The following GATM variants were observed in gnomAD, a reference collection of about 807,000 sequenced individuals.
The protein encoded by GATM is glycine amidinotransferase, mitochondrial.
Under a neutral mutation model 54.2 loss-of-function variants are expected in GATM, and 23 were observed. The observed-to-expected ratio is 0.42, with a 90% CI of 0.31 to 0.60. The LOEUF (loss-of-function observed/expected upper bound fraction) is 0.60, where lower values mean the gene tolerates loss of function less well. Ranked by LOEUF, GATM falls within the 20% of genes least tolerant of loss-of-function variation. GATM has a pLI of 0.14. For missense variants in GATM, 401 were observed against 544.9 expected, an observed-to-expected ratio of 0.74 and a Z score of 2.63; for synonymous variants, 168 against 183.1, an observed-to-expected ratio of 0.92 and a Z score of 0.67.
At chr15:45,364,108 G>T (rs1889409109) in intron 7 of GATM, 92 bp from the exon 8 acceptor site, 1 of 784,638 alleles carries the variant, frequency 1.3e-6, no homozygotes, top group Admixed American at 1.7e-5. Flanking sequence ...TGACAGCTCA[G>T]TTCTTTCAGT....
chr15:45,376,500 T>C lies in GATM; in HGVS notation c.288+101A>G, dbSNP rs1889638257. ...CAAGTAAGATAACTTAATCACTGGA[T>C]TGAGAGGTCTGGGAGTAAGCTGAAG... On this transcript the variant is annotated intron_variant, in intron 2 of 8. Coordinates refer to ENST00000396659, the MANE Select transcript of GATM (RefSeq NM_001482.3). 7 of 931,946 alleles carry C rather than the reference T, an allele frequency of 7.5e-6. No homozygotes were observed. In the South Asian group the frequency reaches 7.8e-5, roughly 10 times the overall value. 57.7% of individuals were successfully genotyped at this position (931,946 alleles called of 1,614,324 possible).
chr15:45,394,621 A>G (rs1385918874), intron 3 of GATM, among the ~76,000 whole-genome samples: 4 of 152,212 alleles, frequency 2.6e-5, no homozygotes, highest in Non-Finnish European at 5.9e-5. Context: ...GAGTTCACTC[A>G]AAGTCAGAAA....
In GATM at chr15:45,363,688, G is replaced by A. The variant is rs191463383; in HGVS notation, c.1159+212C>T. 1.2e-3 allele frequency: 736 copies of A among 596,922 alleles called. 11 individuals carry two copies. Among genetic ancestry groups the A allele is most frequent in the South Asian group, 0.01 (492 of 48,508 alleles). 37.0% of individuals were successfully genotyped at this position (596,922 alleles called of 1,614,324 possible). ...TTTATAAACTTATTGTTAAGGGGAT[G>A]TCTCAGGAGCTCAGGATGCATCTCC... On this transcript the variant is annotated intron_variant, in intron 8 of 8. Transcript: ENST00000396659.
intron 3 of GATM, among the ~76,000 whole-genome samples, chr15:45,388,016 A>G (rs1889823985): frequency 6.6e-6 from 1 of 152,196 alleles, no homozygotes; most frequent in Non-Finnish European, 1.5e-5. Flanking sequence ...TGATTATATT[A>G]ATTTTTAAAA....
chr15:45,401,378 T>C (rs1890004155), intron 1 of GATM, among the ~76,000 whole-genome samples: 1 of 152,188 alleles, frequency 6.6e-6, no homozygotes, highest in Non-Finnish European at 1.5e-5. Flanking sequence ...TTTTGTCAAC[T>C]CACAAATTTG....
Position 45,361,579 on chromosome 15 carries a change from GAA to G in GATM, c.*528_*529del. 1 of 192,116 alleles carries G rather than the reference GAA, an allele frequency of 5.2e-6. No individual in the cohort carries two copies. The highest frequency in any genetic ancestry group is 1.0e-5 in the Non-Finnish European group (1 of 95,290). 11.9% of individuals were successfully genotyped at this position (192,116 alleles called of 1,614,324 possible). ...TAAAAATTACCCAAATTCCTTATTA[GAA>G]AAAGAGACAATTACCTGGTTCTACT... On this transcript the variant is annotated 3_prime_UTR_variant, in exon 9 of 9. Transcript: ENST00000396659.
Position 45,361,179 on chromosome 15 carries a change from C to T in GATM, c.*930G>A, listed in dbSNP as rs1288010764. ...TAAAAATACACATACGGTATCAACACTAAAATTATTTCACATCGCATTTAG... is the reference window on the plus strand; with the variant it reads ...TAAAAATACACATACGGTATCAACATTAAAATTATTTCACATCGCATTTAG... On this transcript the variant is annotated 3_prime_UTR_variant, in exon 9 of 9. Transcript: ENST00000396659. 1 of 152,056 alleles carries T rather than the reference C, an allele frequency of 6.6e-6. No homozygotes were observed. Among genetic ancestry groups the T allele is most frequent in the African/African-American group, 2.4e-5 (1 of 41,390 alleles). The allele number at this position is 152,056 out of a possible 1,614,324, so 9.4% of individuals were successfully genotyped here. A position where few individuals can be genotyped will look rare whatever the true frequency, so the allele number is the denominator to read the frequency against.
In GATM at chr15:45,366,094, G is replaced by A. The variant is rs2140641456; in HGVS notation, c.930C>T (p.Ile310=). Residue 310 remains isoleucine (I), a synonymous_variant, in exon 6 of 9, where the codon ATC becomes ATT. Coordinates refer to ENST00000396659, the MANE Select transcript of GATM (RefSeq NM_001482.3). ...TGGAAAGCACAATACCAGGTCCAAT[G>A]ATGTTGAAGGTAGCATCAATATGCA... The part of the protein sequence containing the change: ...NPMHIDATFN[I]IGPGIVLSNP... 6.2e-7 allele frequency: 1 copy of A among 1,614,134 alleles called. No homozygotes were observed. Among genetic ancestry groups the A allele is most frequent in the Non-Finnish European group, 8.5e-7 (1 of 1,180,002 alleles).
upstream of GATM, among the ~76,000 whole-genome samples, chr15:45,381,983 A>G (rs1473236877): frequency 6.6e-6 from 1 of 152,212 alleles, no homozygotes; most frequent in Non-Finnish European, 1.5e-5. Flanking sequence ...GAGATTTTCC[A>G]CTGTAAGCCT....
upstream of GATM, chr15:45,379,078 C>T (rs969447413): frequency 6.6e-6 from 1 of 152,126 alleles, no homozygotes; most frequent in Non-Finnish European, 1.5e-5. Flanking sequence ...TCCAGTACCC[C>T]GTCGGTTGTT....
rs111445059 is a variant in GATM at position 45,368,070 on chromosome 15, C to G, written c.675G>C (p.Gln225His). Residue 225 changes from glutamine (Q) to histidine (H), a missense_variant and splice_region_variant, in exon 4 of 9, where the codon CAG becomes CAC. Gln to His is a conservative substitution (Grantham distance 24). Around this residue, in one of 3 missense-constraint regions of GATM, gnomAD observed 321 missense variants for 457.5 expected, o/e 0.70. Transcript: ENST00000396659. The surrounding 1 kb of genome is among the most constrained non-coding windows in gnomAD (Gnocchi z 5.1). ...AGCTAGCCTATAATTAGGGACTCACCTGGTTATAAAGCTCATCAGCCATTG... is the reference window on the plus strand; with the variant it reads ...AGCTAGCCTATAATTAGGGACTCACGTGGTTATAAAGCTCATCAGCCATTG... ...KPTMADELYN[Q>H]DYPIHSVEDR... 1 of 1,613,790 alleles carries G rather than the reference C, an allele frequency of 6.2e-7. No homozygotes were observed. The highest frequency in any genetic ancestry group is 8.5e-7 in the Non-Finnish European group (1 of 1,179,862).
chr15:45,372,303 G>A (rs925446900), intron 2 of GATM, among the ~76,000 whole-genome samples: 38 of 152,114 alleles, frequency 2.5e-4, no homozygotes, highest in African/African-American at 8.9e-4. Flanking sequence ...GTTTGCTGAC[G>A]CCTGGGGTCT....
intron 6 of GATM, 56 bp downstream of exon 6, chr15:45,365,990 A>C: frequency 6.6e-7 from 1 of 1,526,386 alleles, no homozygotes; most frequent in Non-Finnish European, 9.1e-7. Context: ...TAAAAGTGGC[A>C]ATTATTTTAG....
intron 4 of GATM, 83 bp from the exon 5 acceptor site, chr15:45,366,591 G>T: frequency 6.7e-7 from 1 of 1,496,004 alleles, no homozygotes; most frequent in Non-Finnish European, 9.2e-7. Context: ...AAGAAAATTA[G>T]TTTAACATCA....
At chr15:45,386,521 A>T (rs1406364644) in intron 3 of GATM, among the ~76,000 whole-genome samples, 1 of 152,230 alleles carries the variant, frequency 6.6e-6, no homozygotes, top group Non-Finnish European at 1.5e-5. Context: ...TCCCACAGCC[A>T]CCTGGCTCCT....
rs143725032 is a variant in GATM, at chr15:45,375,774, G to A, written c.288+827C>T. 1.2e-4 allele frequency among the ~76,000 whole-genome samples: 19 copies of A among 152,240 alleles called. No individual in the cohort carries two copies. In the East Asian group the frequency reaches 3.7e-3, roughly 29 times the overall value. ...AAGACTTTATCCTAAACAATGCGGG[G>A]GGTGGTGGGGTAGTGGGGGTCGCCT... On this transcript the variant is annotated intron_variant, in intron 2 of 8. Transcript: ENST00000396659.
intron 1 of GATM, chr15:45,399,744 C>T (rs1301340320): frequency 6.6e-6 from 1 of 152,222 alleles, no homozygotes. Flanking sequence ...TGAGTGGAAA[C>T]CACAGTTGAG....
chr15:45,370,317 A>C (rs1889519003), intron 2 of GATM, among the ~76,000 whole-genome samples: 1 of 151,632 alleles, frequency 6.6e-6, no homozygotes, highest in Non-Finnish European at 1.5e-5. Flanking sequence ...CAGAGGTTGC[A>C]GTGAGCTGAG....
At chr15:45,374,267 C>T (rs1486154998) in intron 2 of GATM, among the ~76,000 whole-genome samples, 3 of 152,074 alleles carry the variant, frequency 2.0e-5, no homozygotes, top group Admixed American at 6.5e-5. Flanking sequence ...TCCACAAGTC[C>T]ATGAAATGAC....
Sources: allele counts gnomAD v4.1 joint callset (sites outside exome capture counted in the v4.1 genomes callset), GRCh38; gene constraint gnomAD v4.1.1; regional missense constraint gnomAD v4.1.1; non-coding constraint Gnocchi (gnomAD v3.1); transcripts MANE v1.5; gene names NCBI Gene and HGNC (gene_info 2026-07-23, HGNC 2026-07-21).